Variants in SOS2 observed in about 807,000 individuals in gnomAD.
The protein encoded by SOS2 is son of sevenless homolog 2.
A neutral mutation model predicts 148.2 loss-of-function variants in SOS2; 65 were observed. The ratio of observed to expected loss-of-function variants is 0.44; its 90% CI spans 0.36 to 0.54. The LOEUF is 0.54. Ranked by LOEUF, SOS2 falls within the 20% of genes least tolerant of loss-of-function variation. The probability of loss-of-function intolerance (pLI) is 0.00; values close to 1 mark genes in which losing one functional copy is unlikely to be tolerated. For synonymous variants in SOS2, 539 were observed against 537.1 expected (o/e 1.00, Z -0.05); for missense variants, 1,341 against 1,590.2 (o/e 0.84, Z 2.67).
Position 50,204,810 on chromosome 14 carries a change from G to T in SOS2, c.88-401C>A, listed in dbSNP as rs562046191. Among the ~76,000 whole-genome samples the T allele has an allele frequency of 4.6e-5, 7 of 152,140 alleles. No individual in the cohort carries two copies. In the South Asian group the frequency reaches 1.5e-3, roughly 32 times the overall value. On this transcript the variant is annotated intron_variant, in intron 1 of 22. Coordinates refer to ENST00000216373, the MANE Select transcript of SOS2 (RefSeq NM_006939.4). ...CCATACTCCTTTACAAATTATAGAGGTGCTCTGTGAAATAGGTGCTACTCA... is the reference window on the plus strand; with the variant it reads ...CCATACTCCTTTACAAATTATAGAGTTGCTCTGTGAAATAGGTGCTACTCA...
At chr14:50,181,394 G>C (rs549778232) in intron 6 of SOS2, among the ~76,000 whole-genome samples, 1 of 151,186 alleles carries the variant, frequency 6.6e-6, no homozygotes, top group African/African-American at 2.4e-5. Flanking sequence ...GTTGCAGTAA[G>C]ACGAGATCGT....
intron 8 of SOS2, among the ~76,000 whole-genome samples, chr14:50,166,527 C>A (rs1885172573): frequency 6.6e-6 from 1 of 152,186 alleles, no homozygotes; most frequent in South Asian, 2.1e-4. Context: ...CCGCGCCTAG[C>A]TTTAATGGGT....
rs1322452541 is a variant in SOS2 at position 50,117,889 on chromosome 14, A to T, written c.*455T>A. 6.5e-6 allele frequency: 1 copy of T among 153,722 alleles called. No homozygotes were observed. The highest frequency in any genetic ancestry group is 1.4e-5 in the Non-Finnish European group (1 of 69,144). 9.5% of individuals were successfully genotyped at this position (153,722 alleles called of 1,614,324 possible). On this transcript the variant is annotated 3_prime_UTR_variant, in exon 23 of 23. Coordinates refer to ENST00000216373, the MANE Select transcript of SOS2 (RefSeq NM_006939.4). ...TGTTATTCACAATTCTCCTAGATGTAAAAACTAGAAGTAAAAACTAGAAGA... is the reference window on the plus strand; with the variant it reads ...TGTTATTCACAATTCTCCTAGATGTTAAAACTAGAAGTAAAAACTAGAAGA...
At chr14:50,142,147 A>C (rs534953420) in intron 16 of SOS2, among the ~76,000 whole-genome samples, 3 of 151,612 alleles carry the variant, frequency 2.0e-5, no homozygotes, top group Non-Finnish European at 4.4e-5. Context: ...AGCTGGGATT[A>C]CAGGCGCCCG....
intron 21 of SOS2, among the ~76,000 whole-genome samples, chr14:50,122,969 C>T (rs1041557767): frequency 6.6e-6 from 1 of 152,070 alleles, no homozygotes; most frequent in Non-Finnish European, 1.5e-5. Context: ...GAACAAAACT[C>T]AAAAATTCAC....
chr14:50,167,846 C>T (rs549095221), intron 8 of SOS2, among the ~76,000 whole-genome samples: 9 of 146,008 alleles, frequency 6.2e-5, no homozygotes, highest in South Asian at 2.2e-4. Context: ...CCAGCCTGGG[C>T]GATACAGTGA....
At chr14:50,126,998 C>T (rs1172565654) in intron 21 of SOS2, among the ~76,000 whole-genome samples, 1 of 151,976 alleles carries the variant, frequency 6.6e-6, no homozygotes, top group Non-Finnish European at 1.5e-5. Flanking sequence ...GTTTCTTCAA[C>T]ATATTGTGGC....
At chr14:50,215,483 CAT>C (rs1015626750) in intron 1 of SOS2, 1 of 1,240,834 alleles carries the variant, frequency 8.1e-7, no homozygotes, top group African/African-American at 1.6e-5. Context: ...ATTTGCCTAT[CAT>C]ATTTTTTGAA....
chr14:50,177,581 A>C (rs577023484), intron 7 of SOS2, among the ~76,000 whole-genome samples: 15 of 152,210 alleles, frequency 9.9e-5, no homozygotes, highest in Middle Eastern at 3.4e-3. Context: ...TGAAACAAGA[A>C]ATGTGTTGAG....
chr14:50,141,383 G>C (rs1224824186), intron 16 of SOS2, among the ~76,000 whole-genome samples: 2 of 151,676 alleles, frequency 1.3e-5, no homozygotes, highest in African/African-American at 4.8e-5. Context: ...TAGCTGAGCA[G>C]GGTGGCACGT....
In SOS2 at chr14:50,199,621, A is replaced by G. The variant is rs566246592; in HGVS notation, c.510+70T>C. ...AAAGATTACTTATCTAATAATGTAC[A>G]CAAAAAGATTGAGGCAGAAATTAGT... On this transcript the variant is annotated intron_variant, in intron 4 of 22. Coordinates refer to ENST00000216373, the MANE Select transcript of SOS2 (RefSeq NM_006939.4). 9 of 891,336 alleles carry G rather than the reference A, an allele frequency of 1.0e-5. No individual in the cohort carries two copies. In the South Asian group the frequency reaches 1.8e-4, roughly 18 times the overall value. The allele number at this position is 891,336 out of a possible 1,614,324, so 55.2% of individuals were successfully genotyped here.
At chr14:50,125,606 A>AT (rs1883656742) in intron 21 of SOS2, among the ~76,000 whole-genome samples, 2 of 32,630 alleles carry the variant, frequency 6.1e-5, no homozygotes, top group Admixed American at 7.9e-4. Flanking sequence ...GGAAGATGAA[A>AT]CCCTACAGAG....
intron 1 of SOS2, among the ~76,000 whole-genome samples, chr14:50,227,277 C>T (rs1469757780): frequency 7.6e-6 from 1 of 131,866 alleles, no homozygotes; most frequent in Admixed American, 8.4e-5. Context: ...CAGAGTCTCG[C>T]TCTGTCGCCC....
At chr14:50,179,174 T>C (rs1310496925) in intron 7 of SOS2, among the ~76,000 whole-genome samples, 3 of 152,058 alleles carry the variant, frequency 2.0e-5, no homozygotes, top group Admixed American at 1.3e-4. Flanking sequence ...AAAACATACA[T>C]GGTAGTGTTT....
At chr14:50,173,837 T>C (rs1885443812) in intron 8 of SOS2, among the ~76,000 whole-genome samples, 1 of 152,164 alleles carries the variant, frequency 6.6e-6, no homozygotes, top group Non-Finnish European at 1.5e-5. Flanking sequence ...GAATAATATA[T>C]AAGCATATAT....
intron 4 of SOS2, among the ~76,000 whole-genome samples, chr14:50,193,053 T>C (rs943908868): frequency 4.6e-5 from 7 of 152,072 alleles, no homozygotes; most frequent in Admixed American, 2.6e-4. Flanking sequence ...TAGCTCACTA[T>C]AGCCTCAATG....
intron 2 of SOS2, among the ~76,000 whole-genome samples, chr14:50,203,381 G>A (rs976687954): frequency 2.6e-5 from 4 of 151,798 alleles, no homozygotes. Flanking sequence ...AAATAAAAAT[G>A]AAAATAATTT....
intron 9 of SOS2, 128 bp from the exon 10 acceptor site, chr14:50,160,214 G>C: frequency 1.4e-6 from 1 of 690,830 alleles, no homozygotes. Flanking sequence ...ACAGCATTTA[G>C]TTCTAACTTT....
chr14:50,210,958 A>G (rs771615607), intron 1 of SOS2, among the ~76,000 whole-genome samples: 1 of 152,142 alleles, frequency 6.6e-6, no homozygotes, highest in Non-Finnish European at 1.5e-5. Flanking sequence ...TGTTTCAATC[A>G]CTTTCAAAAA....
Sources: allele counts gnomAD v4.1 joint callset (sites outside exome capture counted in the v4.1 genomes callset), GRCh38; gene constraint gnomAD v4.1.1; transcripts MANE v1.5; gene names NCBI Gene and HGNC (gene_info 2026-07-23, HGNC 2026-07-21).